Variants in SPAG16 observed in about 807,000 individuals in gnomAD.
The protein encoded by SPAG16 is sperm-associated antigen 16 protein.
SPAG16 carries 86 observed loss-of-function variants against 80.4 expected under a neutral mutation model. That is an observed-to-expected ratio of 1.07 (90% CI 0.90 to 1.28). The LOEUF is 1.28. Among genes scored for constraint, SPAG16 ranks in the 50% most tolerant of loss-of-function variants. SPAG16 has a pLI of 0.00. For synonymous variants in SPAG16, 294 were observed against 265.9 expected, an observed-to-expected ratio of 1.11 and a Z score of -1.03; for missense variants, 870 against 765.3, an observed-to-expected ratio of 1.14 and a Z score of -1.61.
chr2:213,991,033 C>T (rs971024782), intron 12 of SPAG16, among the ~76,000 whole-genome samples: 2 of 151,702 alleles, frequency 1.3e-5, no homozygotes. Context: ...ACTTTAAGTT[C>T]TGAGGTACAT....
chr2:213,297,372 A>T lies in SPAG16; in HGVS notation c.279+15A>T. ...CTGAAATTTTGGTGAGAATTTGAAC[A>T]CTAGTGTAGTCTATAGTTTAGTGGT... is the stretch of plus-strand genomic sequence containing the variant. On this transcript the variant is annotated intron_variant, in intron 3 of 15. Coordinates refer to ENST00000331683, the MANE Select transcript of SPAG16 (RefSeq NM_024532.5). The T allele has an allele frequency of 6.6e-7, 1 of 1,514,310 alleles. No homozygotes were observed. The allele number at this position is 1,514,310 out of a possible 1,614,324, so 93.8% of individuals were successfully genotyped here.
At chr2:214,261,100 T>TC (rs1691128262) in intron 15 of SPAG16, among the ~76,000 whole-genome samples, 1 of 73,674 alleles carries the variant, frequency 1.4e-5, no homozygotes, top group Non-Finnish European at 2.2e-5. Context: ...AGAGCAAGAC[T>TC]CAGTCTCAAA....
At chr2:213,892,020 G>C (rs888665301) in intron 11 of SPAG16, among the ~76,000 whole-genome samples, 6 of 152,174 alleles carry the variant, frequency 3.9e-5, no homozygotes, top group Admixed American at 1.3e-4. Context: ...GATGGAGGTA[G>C]AATTATCATC....
At chr2:214,053,690 G>A (rs549040501) in intron 13 of SPAG16, among the ~76,000 whole-genome samples, 3 of 152,226 alleles carry the variant, frequency 2.0e-5, no homozygotes, top group South Asian at 4.1e-4. Context: ...ACACAGCTTC[G>A]CCAATGTAAT....
chr2:213,505,587 T>G (rs1253971775), intron 10 of SPAG16, among the ~76,000 whole-genome samples: 1 of 152,194 alleles, frequency 6.6e-6, no homozygotes, highest in Admixed American at 6.5e-5. Context: ...AAATAATACA[T>G]AATTACGTAC....
chr2:213,586,004 T>C (rs942359541), intron 10 of SPAG16, among the ~76,000 whole-genome samples: 1 of 152,192 alleles, frequency 6.6e-6, no homozygotes, highest in Non-Finnish European at 1.5e-5. Flanking sequence ...ACAGTGGTGA[T>C]GAATATACTG....
chr2:213,562,631 G>A (rs184630494), intron 10 of SPAG16, among the ~76,000 whole-genome samples: 10 of 151,966 alleles, frequency 6.6e-5, no homozygotes, highest in African/African-American at 1.5e-4. Flanking sequence ...CTGACCTCAC[G>A]TGGTGGAAGA....
At chr2:213,556,868 G>A (rs375730397) in intron 10 of SPAG16, among the ~76,000 whole-genome samples, 75 of 152,224 alleles carry the variant, frequency 4.9e-4, no homozygotes, top group African/African-American at 1.6e-3. Flanking sequence ...CTTAACACAT[G>A]TAAGAAGATT....
intron 15 of SPAG16, among the ~76,000 whole-genome samples, chr2:214,384,173 C>G (rs184016978): frequency 6.6e-6 from 1 of 152,310 alleles, no homozygotes; most frequent in Admixed American, 6.5e-5. Context: ...TCCCCTTAAT[C>G]TTGGCCACTG....
At chr2:213,715,254 A>ATCTG (rs1364559308) in intron 10 of SPAG16, among the ~76,000 whole-genome samples, 2 of 150,566 alleles carry the variant, frequency 1.3e-5, no homozygotes, top group African/African-American at 4.9e-5. Context: ...CTATCTATCT[A>ATCTG]TCTATCTATC....
intron 4 of SPAG16, 105 bp downstream of exon 4, chr2:213,310,282 G>A: frequency 3.2e-6 from 2 of 619,084 alleles, no homozygotes; most frequent in Non-Finnish European, 5.2e-6. Context: ...TATGAAAAAT[G>A]ACTAGAAACT....
At chr2:214,137,829 T>C (rs953881471) in intron 14 of SPAG16, among the ~76,000 whole-genome samples, 2 of 152,106 alleles carry the variant, frequency 1.3e-5, no homozygotes, top group Non-Finnish European at 2.9e-5. Flanking sequence ...TTAATTTTAG[T>C]TGTCAATTAC....
chr2:213,630,468 T>C (rs1449228832), intron 10 of SPAG16, among the ~76,000 whole-genome samples: 1 of 152,108 alleles, frequency 6.6e-6, no homozygotes, highest in Non-Finnish European at 1.5e-5. Flanking sequence ...ATCATGTCTA[T>C]AATAAAAATG....
At chr2:213,519,154 G>A (rs890926667) in intron 10 of SPAG16, among the ~76,000 whole-genome samples, 2 of 152,100 alleles carry the variant, frequency 1.3e-5, no homozygotes, top group African/African-American at 4.8e-5. Context: ...ACTTGTACTT[G>A]TGCCCTCTGT....
intron 15 of SPAG16, among the ~76,000 whole-genome samples, chr2:214,345,941 T>A (rs1034240791): frequency 6.6e-6 from 1 of 152,236 alleles, no homozygotes; most frequent in Non-Finnish European, 1.5e-5. Context: ...AATATACTAC[T>A]AATTATTCAT....
intron 8 of SPAG16, among the ~76,000 whole-genome samples, chr2:213,366,207 A>G (rs1424792214): frequency 1.3e-5 from 2 of 151,938 alleles, no homozygotes; most frequent in African/African-American, 4.8e-5. Flanking sequence ...TAACATATAT[A>G]AAATTAAAGT....
intron 10 of SPAG16, among the ~76,000 whole-genome samples, chr2:213,743,128 C>T (rs1174969193): frequency 2.0e-5 from 3 of 151,684 alleles, no homozygotes; most frequent in Admixed American, 1.3e-4. Flanking sequence ...TGGTCTCTAT[C>T]TCCTGACCTC....
Position 213,910,637 on chromosome 2 carries a change from C to T in SPAG16, c.1215-19323C>T, listed in dbSNP as rs1221337687. Among the ~76,000 whole-genome samples, 6 of 82,458 alleles carry T rather than the reference C, an allele frequency of 7.3e-5. 2 individuals carry two copies. The highest frequency in any genetic ancestry group is 1.9e-4 in the Non-Finnish European group (6 of 31,614). The allele number at this position is 82,458 out of a possible 152,430, so 54.1% of individuals were successfully genotyped here. ...CCGAGTAGCTGGGACTACAGGCGCC[C>T]GCTACCACGCCCGGCTAATTTTTTG... On this transcript the variant is annotated intron_variant, in intron 11 of 15. Coordinates refer to ENST00000331683, the MANE Select transcript of SPAG16 (RefSeq NM_024532.5).
At chr2:214,033,554 C>T (rs1042708256) in intron 13 of SPAG16, among the ~76,000 whole-genome samples, 1 of 152,118 alleles carries the variant, frequency 6.6e-6, no homozygotes. Flanking sequence ...AGATTATATT[C>T]AACCATTTAT....
Sources: gnomAD v4.1 joint callset for allele counts (sites outside exome capture counted in the v4.1 genomes callset) on GRCh38, gnomAD v4.1.1 for gene constraint, MANE v1.5 for transcripts, NCBI Gene and HGNC (gene_info 2026-07-23, HGNC 2026-07-21) for gene names.